NXPE2: variants seen among roughly 807,000 people sequenced by gnomAD.
NXPE2 encodes neurexophilin and PC-esterase domain family member 2.
NXPE2 carries 34 observed loss-of-function variants against 34.4 expected under a neutral mutation model. That is an observed-to-expected ratio of 0.99 (90% CI 0.75 to 1.31). The LOEUF (loss-of-function observed/expected upper bound fraction) is 1.31, where lower values mean the gene tolerates loss of function less well. Among genes scored for constraint, NXPE2 ranks in the 40% most tolerant of loss-of-function variants. NXPE2 has a pLI of 0.00. For missense variants in NXPE2, 649 were observed against 672.5 expected (o/e 0.97, Z 0.39); for synonymous variants, 235 against 231.3 (o/e 1.02, Z -0.15).
chr11:114,539,685 A>G, the NXPE2 span, among the ~76,000 whole-genome samples: 1 of 152,180 alleles, frequency 6.6e-6, no homozygotes, highest in Non-Finnish European at 1.5e-5. Flanking sequence ...GAATATAATC[A>G]TTTATAAAGA....
At chr11:114,694,930 ATAAC>A (rs140280141) in intron 2 of NXPE2, among the ~76,000 whole-genome samples, 2,136 of 152,214 alleles carry the variant, frequency 0.014, 34 homozygotes, top group African/African-American at 0.047. Context: ...AATCTCTACT[ATAAC>A]TAAGTTTTGT....
chr11:114,762,062 T>C, the NXPE2 span, among the ~76,000 whole-genome samples: 23 of 152,172 alleles, frequency 1.5e-4, no homozygotes, highest in Admixed American at 1.0e-3. Flanking sequence ...GAGGGGGAAA[T>C]ACCTGCTCAG....
chr11:114,524,466 G>A, the NXPE2 span, among the ~76,000 whole-genome samples: 1 of 152,260 alleles, frequency 6.6e-6, no homozygotes, highest in East Asian at 1.9e-4. Context: ...GGTGCTGGTG[G>A]CAGAATTGGA....
At chr11:114,787,919 C>T in the NXPE2 span, among the ~76,000 whole-genome samples, 1 of 152,278 alleles carries the variant, frequency 6.6e-6, no homozygotes, top group East Asian at 1.9e-4. Context: ...TTCCCGCTTT[C>T]TGCATTTCCT....
the NXPE2 span, among the ~76,000 whole-genome samples, chr11:114,753,977 A>G: frequency 7.3e-6 from 1 of 136,352 alleles, no homozygotes; most frequent in South Asian, 2.3e-4. Flanking sequence ...GCATTTGTCC[A>G]TGTGCCACAT....
the NXPE2 span, among the ~76,000 whole-genome samples, chr11:114,772,455 G>A: frequency 6.6e-6 from 1 of 152,012 alleles, no homozygotes; most frequent in Non-Finnish European, 1.5e-5. Flanking sequence ...TGGGTGATAG[G>A]CAACGTTTTC....
chr11:114,550,153 TA>T, the NXPE2 span, among the ~76,000 whole-genome samples: 1 of 152,154 alleles, frequency 6.6e-6, no homozygotes, highest in Admixed American at 6.6e-5. Flanking sequence ...GGTTAACTTA[TA>T]CATTTAATAA....
chr11:114,780,020 T>A, the NXPE2 span, among the ~76,000 whole-genome samples: 9 of 152,230 alleles, frequency 5.9e-5, no homozygotes, highest in Admixed American at 1.3e-4. Flanking sequence ...CGACAGCCAG[T>A]AAAATTCATA....
the NXPE2 span, among the ~76,000 whole-genome samples, chr11:114,508,822 C>T: frequency 5.9e-5 from 9 of 152,288 alleles, no homozygotes; most frequent in East Asian, 1.7e-3. Context: ...CAATACCATT[C>T]ACAACATAGG....
At chr11:114,746,341 T>A in the NXPE2 span, among the ~76,000 whole-genome samples, 1 of 152,220 alleles carries the variant, frequency 6.6e-6, no homozygotes, top group African/African-American at 2.4e-5. Context: ...GGATATCATA[T>A]ACACTGAAGA....
At chr11:114,469,683 G>A in the NXPE2 span, among the ~76,000 whole-genome samples, 6 of 151,974 alleles carry the variant, frequency 3.9e-5, no homozygotes, top group African/African-American at 1.4e-4. Context: ...AGTAGAGACG[G>A]GATTTCACCA....
chr11:114,698,014 T>C (rs1480824932), intron 2 of NXPE2, 31 bp from the exon 3 acceptor site: 2 of 1,445,072 alleles, frequency 1.4e-6, no homozygotes, highest in Admixed American at 2.8e-5. Flanking sequence ...TGTTTGCTGA[T>C]GATATTTTCT....
the NXPE2 span, among the ~76,000 whole-genome samples, chr11:114,500,454 TA>T: frequency 1.3e-5 from 2 of 152,086 alleles, no homozygotes; most frequent in Admixed American, 6.5e-5. Flanking sequence ...GACAACCCAT[TA>T]AAAAAATGGG....
chr11:114,782,207 A>G, the NXPE2 span, among the ~76,000 whole-genome samples: 11 of 152,252 alleles, frequency 7.2e-5, no homozygotes, highest in Non-Finnish European at 5.9e-5. Context: ...TTTGATCTGC[A>G]ATTGGTTGAA....
intron 2 of NXPE2, among the ~76,000 whole-genome samples, chr11:114,681,477 A>G (rs1950948754): frequency 6.6e-6 from 1 of 152,174 alleles, no homozygotes; most frequent in South Asian, 2.1e-4. Context: ...ACAGAAACTC[A>G]CTAGGCCTGG....
chr11:114,616,815 C>A, the NXPE2 span, among the ~76,000 whole-genome samples: 3 of 151,798 alleles, frequency 2.0e-5, no homozygotes, highest in Admixed American at 6.6e-5. Context: ...TAAGTGTTGC[C>A]TCGTTGGTAA....
the NXPE2 span, among the ~76,000 whole-genome samples, chr11:114,544,470 T>G: frequency 6.6e-6 from 1 of 152,186 alleles, no homozygotes; most frequent in Admixed American, 6.5e-5. Context: ...AAAGGCAATT[T>G]GATGGAAAAA....
the NXPE2 span, chr11:114,553,779 C>T: frequency 3.0e-6 from 3 of 984,780 alleles, no homozygotes; most frequent in Non-Finnish European, 3.6e-6. Context: ...GTGAGCTGAA[C>T]CCAGCCTTTG....
the NXPE2 span, among the ~76,000 whole-genome samples, chr11:114,770,995 T>G: frequency 6.6e-6 from 1 of 152,176 alleles, no homozygotes; most frequent in Non-Finnish European, 1.5e-5. Flanking sequence ...TTACATATGT[T>G]TATTGCAGAT....
Sources: gnomAD v4.1 joint callset for allele counts (sites outside exome capture counted in the v4.1 genomes callset) on GRCh38, gnomAD v4.1.1 for gene constraint, MANE v1.5 for transcripts, NCBI Gene and HGNC (gene_info 2026-07-23, HGNC 2026-07-21) for gene names.